The following ASB15 variants were observed in gnomAD, a reference collection of about 807,000 sequenced individuals.
ASB15 encodes the protein ankyrin repeat and SOCS box protein 15.
ASB15 carries 54 observed loss-of-function variants against 58.0 expected under a neutral mutation model. The observed-to-expected ratio is 0.93, with a 90% CI of 0.75 to 1.17. ASB15 has a LOEUF of 1.17. ASB15 is among the 50% of genes most tolerant of loss of function. The probability of loss-of-function intolerance (pLI) is 0.00; values close to 1 mark genes in which losing one functional copy is unlikely to be tolerated. For synonymous variants in ASB15, 249 were observed against 262.4 expected (o/e 0.95, Z 0.50); for missense variants, 680 against 707.4 (o/e 0.96, Z 0.44).
At chr7:123,583,542 C>A (rs1330464784) in intron 1 of ASB15, among the ~76,000 whole-genome samples, 1 of 151,944 alleles carries the variant, frequency 6.6e-6, no homozygotes, top group Non-Finnish European at 1.5e-5. Context: ...ATATGACATT[C>A]TCTTTATTCT....
chr7:123,611,018 G>A (rs1800408728), intron 3 of ASB15, among the ~76,000 whole-genome samples: 1 of 148,392 alleles, frequency 6.7e-6, no homozygotes, highest in Non-Finnish European at 1.5e-5. Flanking sequence ...GCAGGCGGGA[G>A]GTTGCAGTGA....
chr7:123,629,491 C>A, intron 10 of ASB15, 57 bp downstream of exon 10: 1 of 1,364,450 alleles, frequency 7.3e-7, no homozygotes, highest in South Asian at 1.4e-5. Context: ...AATACATGTT[C>A]ATTCAATTAG....
intron 8 of ASB15, among the ~76,000 whole-genome samples, 153 bp from the exon 9 acceptor site, chr7:123,626,957 C>G (rs1397006044): frequency 1.3e-5 from 2 of 152,078 alleles, no homozygotes; most frequent in African/African-American, 4.8e-5. Flanking sequence ...AGGCTGATCT[C>G]GAACTCCTGA....
At chr7:123,585,408 G>A (rs1318613977) in intron 1 of ASB15, among the ~76,000 whole-genome samples, 1 of 151,734 alleles carries the variant, frequency 6.6e-6, no homozygotes, top group Non-Finnish European at 1.5e-5. Context: ...CACATTACAT[G>A]TAGGAATGCA....
At chr7:123,628,021 T>C (rs1425472243) in intron 9 of ASB15, among the ~76,000 whole-genome samples, 3 of 152,220 alleles carry the variant, frequency 2.0e-5, no homozygotes, top group Non-Finnish European at 4.4e-5. Context: ...CCAGTGTTCA[T>C]AAATTCACAA....
chr7:123,570,768 A>G (rs910795518), intron 1 of ASB15, among the ~76,000 whole-genome samples: 1 of 152,142 alleles, frequency 6.6e-6, no homozygotes, highest in Non-Finnish European at 1.5e-5. Context: ...AGGTTTATAT[A>G]TCTTTGCTTC....
chr7:123,622,348 A>G (rs952692895), intron 7 of ASB15, among the ~76,000 whole-genome samples: 6 of 152,200 alleles, frequency 3.9e-5, no homozygotes, highest in East Asian at 1.9e-4. Context: ...ATTTTACTTA[A>G]TCATTTATGT....
At chr7:123,585,791 A>G (rs1224374636) in intron 1 of ASB15, among the ~76,000 whole-genome samples, 1 of 151,724 alleles carries the variant, frequency 6.6e-6, no homozygotes, top group African/African-American at 2.4e-5. Context: ...TATGAATTCA[A>G]CGTTTTTAGA....
chr7:123,621,771 G>A (rs1368152537), intron 7 of ASB15, among the ~76,000 whole-genome samples: 4 of 152,134 alleles, frequency 2.6e-5, no homozygotes, highest in Non-Finnish European at 5.9e-5. Flanking sequence ...CTGAGTGGTA[G>A]ATATCTGATT....
upstream of ASB15, among the ~76,000 whole-genome samples, chr7:123,599,747 GT>G (rs1348478213): frequency 2.6e-5 from 4 of 152,158 alleles, no homozygotes; most frequent in African/African-American, 9.7e-5. Context: ...TTTTGAAACA[GT>G]ACATGCATTT....
intron 11 of ASB15, among the ~76,000 whole-genome samples, chr7:123,631,385 A>G (rs967129955): frequency 6.6e-6 from 1 of 152,224 alleles, no homozygotes; most frequent in African/African-American, 2.4e-5. Context: ...TGTTTTTACT[A>G]CATGGTAAGT....
At chr7:123,570,454 T>C (rs561536403) in intron 1 of ASB15, among the ~76,000 whole-genome samples, 1 of 152,056 alleles carries the variant, frequency 6.6e-6, no homozygotes, top group South Asian at 2.1e-4. Flanking sequence ...TGGTATAATA[T>C]TCATGTGAGT....
At chr7:123,633,313 T>C (rs1321952127) in intron 11 of ASB15, among the ~76,000 whole-genome samples, 3 of 151,904 alleles carry the variant, frequency 2.0e-5, no homozygotes, top group Non-Finnish European at 4.4e-5. Flanking sequence ...ATAAATAATA[T>C]TTAATAATTA....
In ASB15 at chr7:123,594,832, G is replaced by C. The variant is rs1799648767; in HGVS notation, c.-442-9200G>C. Among the ~76,000 whole-genome samples, 3 of 152,206 alleles carry C rather than the reference G, an allele frequency of 2.0e-5. No homozygotes were observed. The South Asian group carries it at 6.2e-4, about 31-fold the overall frequency. On this transcript the variant is annotated intron_variant, in intron 1 of 13. Coordinates refer to the ASB15 transcript ENST00000451558. ...GCTCTCTTCAGAGCTGTCAGGCAGG[G>C]ACGTTTAAGCCTGCAGAAGCTGTCT...
At chr7:123,572,190 G>A (rs1798928425) in intron 1 of ASB15, among the ~76,000 whole-genome samples, 2 of 133,264 alleles carry the variant, frequency 1.5e-5, no homozygotes, top group African/African-American at 5.8e-5. Context: ...TCACTAGGCT[G>A]GAGTGCAGTG....
intron 11 of ASB15, among the ~76,000 whole-genome samples, chr7:123,636,336 T>C (rs186270147): frequency 6.6e-6 from 1 of 152,362 alleles, no homozygotes; most frequent in Non-Finnish European, 1.5e-5. Context: ...GTTTAAGTAT[T>C]AGACACTGGA....
intron 9 of ASB15, among the ~76,000 whole-genome samples, chr7:123,628,083 T>G (rs1801907588): frequency 6.6e-6 from 1 of 152,252 alleles, no homozygotes; most frequent in African/African-American, 2.4e-5. Flanking sequence ...CATACATGTC[T>G]GGCTGGTTAG....
chr7:123,586,762 T>G (rs1282808595), intron 1 of ASB15, among the ~76,000 whole-genome samples: 1 of 151,682 alleles, frequency 6.6e-6, no homozygotes, highest in Non-Finnish European at 1.5e-5. Flanking sequence ...TAATTTCATA[T>G]ATGTGGATAT....
chr7:123,574,654 C>T (rs1206909461), intron 1 of ASB15, among the ~76,000 whole-genome samples: 2 of 152,128 alleles, frequency 1.3e-5, no homozygotes, highest in Non-Finnish European at 2.9e-5. Context: ...TAACATTGAA[C>T]CTCATTCTAC....
Sources: gnomAD v4.1 joint callset for allele counts (sites outside exome capture counted in the v4.1 genomes callset) on GRCh38, gnomAD v4.1.1 for gene constraint, MANE v1.5 for transcripts, NCBI Gene and HGNC (gene_info 2026-07-23, HGNC 2026-07-21) for gene names.